ARHGAP29: variants seen among roughly 807,000 people sequenced by gnomAD.
ARHGAP29 encodes Rho GTPase activating protein 29, also known as rho GTPase-activating protein 29.
ARHGAP29 carries 43 observed loss-of-function variants against 122.6 expected under a neutral mutation model. The observed-to-expected ratio is 0.35, with a 90% CI of 0.27 to 0.45. ARHGAP29 has a LOEUF of 0.45. Ranked by LOEUF, ARHGAP29 falls within the 20% of genes least tolerant of loss-of-function variation. The pLI, the probability that ARHGAP29 is intolerant of heterozygous loss-of-function variation, is 1.00. For missense variants in ARHGAP29, 1,303 were observed against 1,477.2 expected, an observed-to-expected ratio of 0.88 and a Z score of 1.93; for synonymous variants, 506 against 497.1, an observed-to-expected ratio of 1.02 and a Z score of -0.24.
chr1:94,189,983 T>C lies in ARHGAP29; in HGVS notation c.1382A>G (p.Gln461Arg), dbSNP rs150046824. 4 of 1,613,390 alleles carry C rather than the reference T, an allele frequency of 2.5e-6. No homozygotes were observed. In the African/African-American group the frequency reaches 5.3e-5, roughly 22 times the overall value. Residue 461 changes from glutamine to arginine, a missense_variant, in exon 13 of 23, where the codon CAA (glutamine) becomes CGA (arginine). Physicochemically the swap from Gln to Arg is conservative, Grantham distance 43. Transcript: ENST00000260526. ...GGCCTTGACAAATTCACTGTACTCT[T>C]GGCCTGGGTCATAGAGTTTGGCACT... ...CDSAKLYDPG[Q>R]EYSEFVKATN...
intron 16 of ARHGAP29, 147 bp from the exon 17 acceptor site, chr1:94,185,628 A>T (rs1306336404): frequency 7.1e-6 from 5 of 701,738 alleles, no homozygotes; most frequent in Non-Finnish European, 1.0e-5. Context: ...GCTAGTTAGC[A>T]TCCAATTTAT....
chr1:94,261,986 C>A (rs1260841093), intron 1 of ARHGAP29, among the ~76,000 whole-genome samples: 3 of 152,180 alleles, frequency 2.0e-5, no homozygotes, highest in Non-Finnish European at 2.9e-5. Flanking sequence ...AGGCATCACA[C>A]TAGCCAACTT....
intron 1 of ARHGAP29, among the ~76,000 whole-genome samples, chr1:94,236,704 T>G (rs531599429): frequency 6.6e-6 from 1 of 152,082 alleles, no homozygotes; most frequent in African/African-American, 2.4e-5. Context: ...TAATTAAAAC[T>G]GTCAAACCCC....
chr1:94,209,123 G>A, intron 4 of ARHGAP29, 131 bp downstream of exon 4: 2 of 811,234 alleles, frequency 2.5e-6, no homozygotes, highest in Non-Finnish European at 4.0e-6. Flanking sequence ...CATACAGAAG[G>A]TAGTTTTTCC....
Position 94,189,367 on chromosome 1 carries a change from A to T in ARHGAP29, c.1440-15T>A, listed in dbSNP as rs200547155. ...TATTTACATTTCTGAAACAACAACA[A>T]TGACAAAAAACAAAACTCAACACTC... On this transcript the variant is annotated splice_polypyrimidine_tract_variant and intron_variant, in intron 13 of 22. Coordinates refer to ENST00000260526, the MANE Select transcript of ARHGAP29 (RefSeq NM_004815.4). 1 of 1,594,958 alleles carries T rather than the reference A, an allele frequency of 6.3e-7. No individual in the cohort carries two copies. The highest frequency in any genetic ancestry group is 8.5e-7 in the Non-Finnish European group (1 of 1,173,640).
chr1:94,304,419 C>T, the ARHGAP29 span, among the ~76,000 whole-genome samples: 4 of 152,184 alleles, frequency 2.6e-5, no homozygotes, highest in African/African-American at 4.8e-5. Context: ...GGATAACAGG[C>T]GCGAGCCACC....
At chr1:94,294,506 T>A in the ARHGAP29 span, among the ~76,000 whole-genome samples, 1 of 152,280 alleles carries the variant, frequency 6.6e-6, no homozygotes, top group African/African-American at 2.4e-5. Flanking sequence ...CAGGCTTATC[T>A]CGCACTCCTG....
intron 12 of ARHGAP29, chr1:94,195,277 G>C (rs1014231176): frequency 6.6e-6 from 1 of 152,132 alleles, no homozygotes; most frequent in Non-Finnish European, 1.5e-5. Flanking sequence ...TGGACCCATG[G>C]GCCAGGCAAC....
intron 3 of ARHGAP29, among the ~76,000 whole-genome samples, chr1:94,216,837 A>T (rs1651980426): frequency 6.6e-6 from 1 of 152,204 alleles, no homozygotes; most frequent in African/African-American, 2.4e-5. Context: ...CTCCTTTAAA[A>T]ATAGGCTATA....
At chr1:94,300,549 G>A in the ARHGAP29 span, among the ~76,000 whole-genome samples, 2 of 151,886 alleles carry the variant, frequency 1.3e-5, no homozygotes, top group African/African-American at 2.4e-5. Context: ...ACTCTCCTCC[G>A]CCTGAATTAG....
intron 5 of ARHGAP29, among the ~76,000 whole-genome samples, chr1:94,207,357 TA>T: frequency 6.6e-6 from 1 of 152,106 alleles, no homozygotes; most frequent in Admixed American, 6.5e-5. Context: ...ATTTTATTAT[TA>T]GGATTATATA....
At chr1:94,280,555 A>G in the ARHGAP29 span, among the ~76,000 whole-genome samples, 2 of 152,248 alleles carry the variant, frequency 1.3e-5, no homozygotes, top group Non-Finnish European at 2.9e-5. Flanking sequence ...ACAGATGAAT[A>G]GAATTTCTAA....
chr1:94,237,671 C>T (rs1462036930), upstream of ARHGAP29: 23 of 985,646 alleles, frequency 2.3e-5, no homozygotes, highest in Non-Finnish European at 2.8e-5. Flanking sequence ...CATTGGCCCG[C>T]GCTCCCGGGG....
intron 15 of ARHGAP29, 87 bp downstream of exon 15, chr1:94,188,750 A>C: frequency 9.1e-7 from 1 of 1,097,838 alleles, no homozygotes; most frequent in South Asian, 1.4e-5. Context: ...GTGAAAGTTC[A>C]CTATAAAAAC....
In ARHGAP29 at chr1:94,201,658, C is replaced by T; in HGVS notation, c.1281+62G>A. The T allele has an allele frequency of 3.8e-6, 6 of 1,595,124 alleles. No individual in the cohort carries two copies. The highest frequency in any genetic ancestry group is 5.1e-6 in the Non-Finnish European group (6 of 1,169,610). ...AAAGTGCTGGGATTACAGGTGTGAG[C>T]CACCATGCCTTGCCTGATGGTCTTT... On this transcript the variant is annotated intron_variant, in intron 12 of 22. Transcript: ENST00000260526.
At chr1:94,283,993 G>A in the ARHGAP29 span, among the ~76,000 whole-genome samples, 1 of 150,220 alleles carries the variant, frequency 6.7e-6, no homozygotes, top group Non-Finnish European at 1.5e-5. Context: ...TCTTGAACAT[G>A]AAAAAAATGA....
chr1:94,278,650 T>G (rs1655263104), upstream of ARHGAP29, among the ~76,000 whole-genome samples: 1 of 152,170 alleles, frequency 6.6e-6, no homozygotes, highest in African/African-American at 2.4e-5. Context: ...TGAAACTCAT[T>G]AAAAAGTTAA....
chr1:94,176,238 T>C (rs891816004), intron 22 of ARHGAP29, among the ~76,000 whole-genome samples: 1 of 152,234 alleles, frequency 6.6e-6, no homozygotes, highest in Non-Finnish European at 1.5e-5. Flanking sequence ...CCTATGTGTC[T>C]TCATCTGCGA....
chr1:94,292,155 T>C, the ARHGAP29 span, among the ~76,000 whole-genome samples: 1 of 152,212 alleles, frequency 6.6e-6, no homozygotes, highest in Non-Finnish European at 1.5e-5. Flanking sequence ...TTGTTTCTTT[T>C]CACTCTTTTT....
Sources: gnomAD v4.1 joint callset for allele counts (sites outside exome capture counted in the v4.1 genomes callset) on GRCh38, gnomAD v4.1.1 for gene constraint, MANE v1.5 for transcripts, NCBI Gene and HGNC (gene_info 2026-07-23, HGNC 2026-07-21) for gene names.